GRM1: variants seen among roughly 807,000 people sequenced by gnomAD.
GRM1 encodes the protein glutamate metabotropic receptor 1, also known as metabotropic glutamate receptor 1.
GRM1 carries 33 observed loss-of-function variants against 90.9 expected under a neutral mutation model. That is an observed-to-expected ratio of 0.36 (90% confidence interval 0.28 to 0.49). GRM1 has a LOEUF of 0.49. GRM1 is among the 20% of genes least tolerant of loss of function. GRM1 has a pLI of 0.99. For missense variants in GRM1, 1,190 were observed against 1,534.3 expected, an observed-to-expected ratio of 0.78 and a Z score of 3.75; for synonymous variants, 700 against 613.2, an observed-to-expected ratio of 1.14 and a Z score of -2.09.
At chr6:146,173,592 T>A (rs1778223946) in intron 2 of GRM1, among the ~76,000 whole-genome samples, 1 of 151,788 alleles carries the variant, frequency 6.6e-6, no homozygotes, top group African/African-American at 2.4e-5. Flanking sequence ...CTTCTCTCAC[T>A]GATGGATGAT....
At chr6:146,168,884 T>C (rs1778004718) in intron 2 of GRM1, among the ~76,000 whole-genome samples, 1 of 152,110 alleles carries the variant, frequency 6.6e-6, no homozygotes, top group South Asian at 2.1e-4. Flanking sequence ...TGTTTCCTTA[T>C]CACTAGTATT....
At chr6:146,037,168 T>G (rs1790921395) in intron 1 of GRM1, among the ~76,000 whole-genome samples, 1 of 152,080 alleles carries the variant, frequency 6.6e-6, no homozygotes. Flanking sequence ...TACATTTCAG[T>G]TGTTTTTCTT....
intron 7 of GRM1, among the ~76,000 whole-genome samples, chr6:146,412,416 C>A (rs1040233566): frequency 1.3e-5 from 2 of 152,130 alleles, no homozygotes; most frequent in East Asian, 1.9e-4. Flanking sequence ...GGGTTCATAG[C>A]AGCTCACCAT....
chr6:146,325,239 A>T (rs900714118), intron 3 of GRM1, among the ~76,000 whole-genome samples: 3 of 152,212 alleles, frequency 2.0e-5, no homozygotes, highest in Non-Finnish European at 4.4e-5. Context: ...AAGAGGGACA[A>T]AAAGAAAGGA....
chr6:146,283,945 A>T (rs950188812), intron 2 of GRM1, among the ~76,000 whole-genome samples: 1 of 152,236 alleles, frequency 6.6e-6, no homozygotes. Flanking sequence ...TTTAAAAATT[A>T]TAAGTACTTC....
At chr6:146,193,418 A>G (rs1177770698) in intron 2 of GRM1, among the ~76,000 whole-genome samples, 1 of 152,198 alleles carries the variant, frequency 6.6e-6, no homozygotes, top group Non-Finnish European at 1.5e-5. Flanking sequence ...AGACTGAGAC[A>G]CTGCAGCCAA....
intron 2 of GRM1, among the ~76,000 whole-genome samples, chr6:146,292,782 T>C (rs1783034042): frequency 6.6e-6 from 1 of 151,794 alleles, no homozygotes; most frequent in Non-Finnish European, 1.5e-5. Flanking sequence ...ACCAAAAGAT[T>C]TGAAAACAGA....
At chr6:146,369,362 G>A (rs1200144848) in intron 5 of GRM1, among the ~76,000 whole-genome samples, 1 of 151,420 alleles carries the variant, frequency 6.6e-6, no homozygotes, top group African/African-American at 2.4e-5. Context: ...TCTACTAATT[G>A]GGGGTTTGGT....
chr6:146,243,485 T>TG (rs1780939529), intron 2 of GRM1, among the ~76,000 whole-genome samples: 1 of 152,054 alleles, frequency 6.6e-6, no homozygotes, highest in South Asian at 2.1e-4. Flanking sequence ...ATGACGAGAA[T>TG]GGGGGCTTCT....
chr6:146,328,965 C>A (rs1044937707), intron 3 of GRM1, among the ~76,000 whole-genome samples: 1 of 152,206 alleles, frequency 6.6e-6, no homozygotes, highest in African/African-American at 2.4e-5. Context: ...GTGGGGCAGC[C>A]TGACCTGTCC....
At chr6:146,225,085 C>T (rs1324777748) in intron 2 of GRM1, among the ~76,000 whole-genome samples, 2 of 152,092 alleles carry the variant, frequency 1.3e-5, no homozygotes, top group Non-Finnish European at 2.9e-5. Context: ...CTCTAGGTAG[C>T]ACTTGTGGGA....
chr6:146,399,587 T>G lies in GRM1; in HGVS notation c.2548T>G (p.Phe850Val), dbSNP rs1777079322. The change falls in exon 7 of 8, where the codon TTC becomes GTC. Residue 850 changes from phenylalanine (F) to valine (V), a missense_variant. This residue lies in a region of GRM1 where 73 missense variants were observed against 150.6 expected (regional missense o/e 0.48). Coordinates refer to ENST00000282753, the MANE Select transcript of GRM1 (RefSeq NM_001278064.2). This position sits in a 1 kb window ranked among gnomAD's most constrained non-coding sequence, Gnocchi z 5.4. ...GCCTGAGAGGAATGTCCGCAGTGCC[T>G]TCACCACCTCTGATGTTGTCCGCAT... ...AKPERNVRSA[F>V]TTSDVVRMHV... The G allele has an allele frequency of 6.2e-7, 1 of 1,613,922 alleles. No individual in the cohort carries two copies.
At chr6:146,045,570 T>G (rs970907136) in intron 1 of GRM1, among the ~76,000 whole-genome samples, 2 of 151,880 alleles carry the variant, frequency 1.3e-5, no homozygotes, top group African/African-American at 4.8e-5. Context: ...ATTTAAGAGC[T>G]TACAGGGCTT....
chr6:146,268,492 T>C (rs577295289), intron 2 of GRM1, among the ~76,000 whole-genome samples: 3 of 152,226 alleles, frequency 2.0e-5, no homozygotes, highest in Non-Finnish European at 4.4e-5. Context: ...ATTACAAGTA[T>C]TTATTAATAC....
In GRM1 at chr6:146,204,170, C is replaced by T. The variant is rs561443743; in HGVS notation, c.950+44573C>T. On this transcript the variant is annotated intron_variant, in intron 2 of 7. Transcript: ENST00000282753. ...AATTTATAAGGTGGATTAGCAGGAA[C>T]TTCACAAGCCCTTTATTTTTGGTCT... is the stretch of plus-strand genomic sequence containing the variant. Among the ~76,000 whole-genome samples, 292 of 152,250 alleles carry T rather than the reference C, an allele frequency of 1.9e-3. 1 individual carries two copies. The highest frequency in any genetic ancestry group is 3.4e-3 in the Non-Finnish European group (231 of 68,018).
At chr6:146,101,779 G>A (rs895527874) in intron 1 of GRM1, among the ~76,000 whole-genome samples, 2 of 149,450 alleles carry the variant, frequency 1.3e-5, no homozygotes, top group African/African-American at 4.9e-5. Flanking sequence ...TATACTTATA[G>A]CTATAATTAT....
At chr6:146,048,837 A>G (rs750638730) in intron 1 of GRM1, among the ~76,000 whole-genome samples, 10 of 152,006 alleles carry the variant, frequency 6.6e-5, no homozygotes, top group Non-Finnish European at 1.5e-4. Context: ...AAGGCATGGG[A>G]CAGACTCTCC....
intron 3 of GRM1, among the ~76,000 whole-genome samples, chr6:146,312,314 C>T (rs1230392064): frequency 8.5e-6 from 1 of 117,236 alleles, no homozygotes; most frequent in East Asian, 2.9e-4. Context: ...GCAGTCCGGC[C>T]TGGGTGAAAG....
intron 1 of GRM1, among the ~76,000 whole-genome samples, chr6:146,079,843 G>A (rs1776305086): frequency 6.6e-6 from 1 of 152,038 alleles, no homozygotes; most frequent in South Asian, 2.1e-4. Context: ...CATTTTCATT[G>A]CCCGTGCAGG....
Sources: gnomAD v4.1 joint callset for allele counts (sites outside exome capture counted in the v4.1 genomes callset) on GRCh38, gnomAD v4.1.1 for gene constraint, gnomAD v4.1.1 regional missense constraint, Gnocchi (gnomAD v3.1) non-coding constraint, MANE v1.5 for transcripts, NCBI Gene and HGNC (gene_info 2026-07-23, HGNC 2026-07-21) for gene names.